The following ADAMTS20 variants were observed in gnomAD, a reference collection of about 807,000 sequenced individuals.
The protein encoded by ADAMTS20 is A disintegrin and metalloproteinase with thrombospondin motifs 20.
In ADAMTS20, 225 loss-of-function variants were observed where a neutral mutation model predicts 260.1. That is an observed-to-expected ratio of 0.87 (90% CI 0.78 to 0.97). The LOEUF (loss-of-function observed/expected upper bound fraction) is 0.97, where lower values mean the gene tolerates loss of function less well. Ranked by LOEUF, ADAMTS20 falls within the 50% of genes least tolerant of loss-of-function variation. ADAMTS20 has a pLI of 0.00. For missense variants in ADAMTS20, 2,400 were observed against 2,337.7 expected, an observed-to-expected ratio of 1.03 and a Z score of -0.55; for synonymous variants, 802 against 769.5, an observed-to-expected ratio of 1.04 and a Z score of -0.70.
At chr12:43,401,600 C>A (rs1940810584) in intron 28 of ADAMTS20, among the ~76,000 whole-genome samples, 1 of 151,866 alleles carries the variant, frequency 6.6e-6, no homozygotes. Flanking sequence ...GCTTCTCTCT[C>A]TTCTTTGTTA....
Position 43,502,085 on chromosome 12 carries a change from C to A in ADAMTS20, c.867+67G>T, listed in dbSNP as rs113217786. The A allele has an allele frequency of 3.6e-6, 5 of 1,408,406 alleles. No individual in the cohort carries two copies. The East Asian group carries it at 1.1e-4, about 30-fold the overall frequency. The allele number at this position is 1,408,406 out of a possible 1,614,324, so 87.2% of individuals were successfully genotyped here. Reference sequence around the variant, plus strand: ...AAGAGTTTGGAAAAAAAATTTAATTCGACATGAAAAAATTTCATTAAGCTA... The same window carrying A: ...AAGAGTTTGGAAAAAAAATTTAATTAGACATGAAAAAATTTCATTAAGCTA... On this transcript the variant is annotated intron_variant, in intron 4 of 38. Coordinates refer to ENST00000389420, the MANE Select transcript of ADAMTS20 (RefSeq NM_025003.5).
intron 3 of ADAMTS20, among the ~76,000 whole-genome samples, chr12:43,516,923 T>C (rs986937900): frequency 6.6e-6 from 1 of 152,066 alleles, no homozygotes; most frequent in South Asian, 2.1e-4. Flanking sequence ...ATCACATTCA[T>C]CACATTAACT....
rs1943486027 is a variant in ADAMTS20 at position 43,549,609 on chromosome 12, G to A, written c.453+1300C>T. On this transcript the variant is annotated intron_variant, in intron 2 of 38. Coordinates refer to ENST00000389420, the MANE Select transcript of ADAMTS20 (RefSeq NM_025003.5). ...GACAAATTTGTGGTAGCAAGTCTAG[G>A]ATTTTCCAGACAAACTAAACATTAT... is the stretch of plus-strand genomic sequence containing the variant. Among the ~76,000 whole-genome samples, 4 of 152,106 alleles carry A rather than the reference G, an allele frequency of 2.6e-5. No individual in the cohort carries two copies. In the South Asian group the frequency reaches 8.3e-4, roughly 31 times the overall value.
At chr12:43,440,957 C>A (rs1274682911) in intron 16 of ADAMTS20, among the ~76,000 whole-genome samples, 1 of 151,830 alleles carries the variant, frequency 6.6e-6, no homozygotes, top group Non-Finnish European at 1.5e-5. Context: ...CCCAGCTACT[C>A]CGGAGGCTGA....
chr12:43,414,028 T>C (rs549829708), intron 28 of ADAMTS20, among the ~76,000 whole-genome samples: 44 of 152,292 alleles, frequency 2.9e-4, no homozygotes, highest in African/African-American at 1.0e-3. Flanking sequence ...TATCTATTGG[T>C]GTCTAACACA....
Position 43,354,037 on chromosome 12 carries a change from T to C in ADAMTS20, c.*172A>G, listed in dbSNP as rs977647765. The C allele has an allele frequency of 8.0e-5, 35 of 439,620 alleles. 1 individual carries two copies. The highest frequency in any genetic ancestry group is 7.0e-4 in the African/African-American group (35 of 49,714). 27.2% of individuals were successfully genotyped at this position (439,620 alleles called of 1,614,324 possible). A position where few individuals can be genotyped will look rare whatever the true frequency, so the allele number is the denominator to read the frequency against. ...ATTAAGATAGCTCTTAAATTTCTTT[T>C]ATAGACCTTATTAAGCAGTGATTTG... On this transcript the variant is annotated 3_prime_UTR_variant, in exon 39 of 39. Transcript: ENST00000389420.
At chr12:43,403,315 CTT>C (rs1940848684) in intron 28 of ADAMTS20, among the ~76,000 whole-genome samples, 1 of 151,884 alleles carries the variant, frequency 6.6e-6, no homozygotes, top group Admixed American at 6.6e-5. Context: ...ATTCTGGAAA[CTT>C]AAATTATTAA....
At chr12:43,538,874 A>G (rs1033255018) in intron 2 of ADAMTS20, among the ~76,000 whole-genome samples, 1 of 152,164 alleles carries the variant, frequency 6.6e-6, no homozygotes, top group Non-Finnish European at 1.5e-5. Context: ...ACATTTTTGT[A>G]ACAAACCTGG....
intron 31 of ADAMTS20, among the ~76,000 whole-genome samples, chr12:43,378,793 A>G (rs1487175484): frequency 6.6e-6 from 1 of 152,216 alleles, no homozygotes; most frequent in Non-Finnish European, 1.5e-5. Flanking sequence ...AAAATGGAAG[A>G]GTAAGGACAT....
chr12:43,384,661 T>C (rs1223002869), intron 29 of ADAMTS20, among the ~76,000 whole-genome samples: 7 of 152,158 alleles, frequency 4.6e-5, no homozygotes, highest in African/African-American at 2.4e-5. Flanking sequence ...TGTGTCCATG[T>C]GTTCTCATTG....
chr12:43,376,443 G>A (rs1940230536), intron 33 of ADAMTS20, 81 bp downstream of exon 33: 3 of 1,486,854 alleles, frequency 2.0e-6, no homozygotes, highest in Admixed American at 2.2e-5. Context: ...TTTGTGGAGT[G>A]TGAAACTACT....
chr12:43,381,606 A>AC (rs1192620272), intron 31 of ADAMTS20, among the ~76,000 whole-genome samples: 1 of 114,902 alleles, frequency 8.7e-6, no homozygotes, highest in Admixed American at 1.1e-4. Flanking sequence ...ACACAGGGAG[A>AC]CCCCATCTCT....
intron 2 of ADAMTS20, among the ~76,000 whole-genome samples, chr12:43,541,875 A>T (rs1043094521): frequency 6.6e-6 from 1 of 152,226 alleles, no homozygotes; most frequent in African/African-American, 2.4e-5. Context: ...AAAATGAAAC[A>T]ATAAAAGGGA....
At chr12:43,504,314 G>C (rs10880512) in intron 3 of ADAMTS20, among the ~76,000 whole-genome samples, 32,550 of 152,056 alleles carry the variant, frequency 0.21, 4,052 homozygotes, top group African/African-American at 0.33. Context: ...AACGATTAGT[G>C]ATGTTGGGCA....
intron 3 of ADAMTS20, among the ~76,000 whole-genome samples, chr12:43,522,475 T>A (rs1337023766): frequency 6.6e-6 from 1 of 152,300 alleles, no homozygotes; most frequent in East Asian, 1.9e-4. Context: ...GCTCTACAAA[T>A]CCTTTGCATC....
rs181025207 is a variant in ADAMTS20 at position 43,422,460 on chromosome 12, A to G, written c.4284+3054T>C. 7.9e-3 allele frequency among the ~76,000 whole-genome samples: 1,198 copies of G among 152,126 alleles called. 15 individuals carry two copies. Among genetic ancestry groups the G allele is most frequent in the African/African-American group, 0.026 (1,071 of 41,556 alleles). On this transcript the variant is annotated intron_variant, in intron 28 of 38. Transcript: ENST00000389420. ...AAAGAGGTAAAATGTTATATTTGGT[A>G]TTGACAACAGAACTTCAGATCCCCT...
chr12:43,397,104 C>T (rs527899590), intron 29 of ADAMTS20, among the ~76,000 whole-genome samples: 1 of 152,268 alleles, frequency 6.6e-6, no homozygotes, highest in South Asian at 2.1e-4. Context: ...CAAACCTCCA[C>T]TTTAAGCAAA....
chr12:43,480,507 C>T (rs1210685574), intron 7 of ADAMTS20, among the ~76,000 whole-genome samples: 1 of 152,112 alleles, frequency 6.6e-6, no homozygotes, highest in Non-Finnish European at 1.5e-5. Context: ...AATCTTCATA[C>T]TATTTTCCAT....
chr12:43,495,929 A>T (rs865998865), intron 4 of ADAMTS20, among the ~76,000 whole-genome samples: 1 of 152,186 alleles, frequency 6.6e-6, no homozygotes, highest in South Asian at 2.1e-4. Context: ...ATATACGTAT[A>T]CCTTTAACTA....
Sources: allele counts gnomAD v4.1 joint callset (sites outside exome capture counted in the v4.1 genomes callset), GRCh38; gene constraint gnomAD v4.1.1; transcripts MANE v1.5; gene names NCBI Gene and HGNC (gene_info 2026-07-23, HGNC 2026-07-21).